Variants in VWA5B1 observed in about 807,000 individuals in gnomAD.
VWA5B1 encodes the protein von Willebrand factor A domain containing 5B1.
Under a neutral mutation model 118.2 loss-of-function variants are expected in VWA5B1, and 115 were observed. The observed-to-expected ratio is 0.97, with a 90% CI of 0.84 to 1.14. The LOEUF is 1.14. Ranked by LOEUF, VWA5B1 falls within the 50% of genes most tolerant of loss-of-function variation. The pLI, the probability that VWA5B1 is intolerant of heterozygous loss-of-function variation, is 0.00. For missense variants in VWA5B1, 1,596 were observed against 1,603.8 expected (o/e 1.00, Z 0.08); for synonymous variants, 682 against 658.4 (o/e 1.04, Z -0.55).
chr1:20,337,682 C>A lies in VWA5B1; in HGVS notation c.1979C>A (p.Thr660Asn). 6.4e-7 allele frequency: 1 copy of A among 1,551,698 alleles called. No individual in the cohort carries two copies. Among genetic ancestry groups the A allele is most frequent in the Non-Finnish European group, 8.7e-7 (1 of 1,146,994 alleles). Residue 660 changes from threonine to asparagine, a missense_variant, in exon 14 of 22, where the codon ACC becomes AAC. By Grantham distance (65) the Thr-to-Asn change is moderately conservative. Coordinates refer to ENST00000289815, the MANE Select transcript of VWA5B1 (RefSeq NM_001039500.3). Reference sequence around the variant, plus strand: ...TCTCAGCGACGGAGGGCATACAGCACCAACCAGATCACCAATCACAAGCCC... The same window carrying A: ...TCTCAGCGACGGAGGGCATACAGCAACAACCAGATCACCAATCACAAGCCC... ...NLSQRRRAYS[T>N]NQITNHKPLP...
intron 4 of VWA5B1, among the ~76,000 whole-genome samples, chr1:20,315,535 A>G (rs2088979842): frequency 6.6e-6 from 1 of 152,214 alleles, no homozygotes; most frequent in South Asian, 2.1e-4. Flanking sequence ...AAGGGGACAG[A>G]GTGGGACAAG....
At position 20,330,165 on chromosome 1, in the gene VWA5B1, T is replaced by C. The variant is rs2089503799; in HGVS notation, c.1255-15T>C. Reference sequence around the variant, plus strand: ...TACCATACGGTGACACTGGGGACTGTCTGCTTCTCTGCAGGACAGCTTGGC... The same window carrying C: ...TACCATACGGTGACACTGGGGACTGCCTGCTTCTCTGCAGGACAGCTTGGC... On this transcript the variant is annotated splice_polypyrimidine_tract_variant and intron_variant, in intron 9 of 21. Transcript: ENST00000289815. 3 of 1,551,626 alleles carry C rather than the reference T, an allele frequency of 1.9e-6. No individual in the cohort carries two copies. The highest frequency in any genetic ancestry group is 8.7e-7 in the Non-Finnish European group (1 of 1,147,002).
chr1:20,348,175 G>C, intron 17 of VWA5B1, 70 bp from the exon 18 acceptor site: 5 of 1,369,770 alleles, frequency 3.7e-6, no homozygotes, highest in Non-Finnish European at 5.1e-6. Flanking sequence ...ATTCCTGTCA[G>C]CTCTGGGGGA....
At position 20,317,564 on chromosome 1, in the gene VWA5B1, G is replaced by A. The variant is rs375756856; in HGVS notation, c.598G>A (p.Gly200Ser). Residue 200 changes from glycine (G) to serine (S), a missense_variant, in exon 5 of 22, where the codon GGC becomes AGC. By Grantham distance (56) the Gly-to-Ser change is moderately conservative (BLOSUM62 0). Coordinates refer to ENST00000289815, the MANE Select transcript of VWA5B1 (RefSeq NM_001039500.3). ...GCACTGCTTCGGTGCCTGGGCCCCG[G>A]GCTCCTGGAATAAGTTGTGCCTGGC... is the stretch of plus-strand genomic sequence containing the variant. The part of the protein sequence containing the change: ...DRHCFGAWAP[G>S]SWNKLCLATL... 119 of 1,551,676 alleles carry A rather than the reference G, an allele frequency of 7.7e-5. No individual in the cohort carries two copies. In the African/African-American group the frequency reaches 1.4e-3, roughly 19 times the overall value.
intron 1 of VWA5B1, 65 bp from the exon 2 acceptor site, chr1:20,310,511 G>A (rs2088814556): frequency 2.1e-6 from 3 of 1,405,976 alleles, no homozygotes; most frequent in South Asian, 3.2e-5. Flanking sequence ...TCTGAAACGG[G>A]AAAACTAGGT....
intron 1 of VWA5B1, among the ~76,000 whole-genome samples, chr1:20,304,917 C>T (rs955140852): frequency 6.6e-6 from 1 of 151,984 alleles, no homozygotes; most frequent in African/African-American, 2.4e-5. Flanking sequence ...TACTCACCTC[C>T]GAGAGATGCT....
chr1:20,342,709 C>G (rs2089908701), intron 15 of VWA5B1, 100 bp downstream of exon 15: 1 of 1,375,512 alleles, frequency 7.3e-7, no homozygotes, highest in South Asian at 1.5e-5. Context: ...ATGCCTGGGT[C>G]TGTCCCCTTG....
At chr1:20,304,873 G>C (rs2088602453) in intron 1 of VWA5B1, among the ~76,000 whole-genome samples, 1 of 152,008 alleles carries the variant, frequency 6.6e-6, no homozygotes, top group Non-Finnish European at 1.5e-5. Flanking sequence ...TTCGAGCCTT[G>C]GTATTTTCAT....
chr1:20,336,383 C>G lies in VWA5B1; in HGVS notation c.1839C>G (p.Pro613=). The part of the protein sequence containing the change: ...SVFYHSQDDG[P]GLEGGDCAKN... ...TCTACCACTCTCAGGATGACGGACC[C>G]GGGCTGGAAGGTGGAGACTGTGCCA... Residue 613 remains proline (P), a synonymous_variant, in exon 13 of 22, where the codon CCC becomes CCG. Coordinates refer to ENST00000289815, the MANE Select transcript of VWA5B1 (RefSeq NM_001039500.3). 1 of 1,526,786 alleles carries G rather than the reference C, an allele frequency of 6.5e-7. No homozygotes were observed. Among genetic ancestry groups the G allele is most frequent in the Non-Finnish European group, 8.8e-7 (1 of 1,134,340 alleles). The allele number at this position is 1,526,786 out of a possible 1,614,324, so 94.6% of individuals were successfully genotyped here.
chr1:20,336,513 G>T (rs2100960091), intron 13 of VWA5B1, 27 bp downstream of exon 13: 1 of 1,327,828 alleles, frequency 7.5e-7, no homozygotes, highest in African/African-American at 1.5e-5. Flanking sequence ...GATGATTGCT[G>T]CCTTACATTG....
At position 20,348,438 on chromosome 1, in the gene VWA5B1, C is replaced by A. The variant is rs558909293; in HGVS notation, c.2878+80C>A. ...CCCTGAGGTTACCGCGTCCTCCTGT[C>A]CGAGGCCCTAGGACCACTCTCTGAG... On this transcript the variant is annotated intron_variant, in intron 18 of 21. Coordinates refer to ENST00000289815, the MANE Select transcript of VWA5B1 (RefSeq NM_001039500.3). The A allele has an allele frequency of 4.9e-6, 7 of 1,427,254 alleles. No individual in the cohort carries two copies. The South Asian group carries it at 7.4e-5, about 15-fold the overall frequency. 88.4% of individuals were successfully genotyped at this position (1,427,254 alleles called of 1,614,324 possible). A position where few individuals can be genotyped will look rare whatever the true frequency, so the allele number is the denominator to read the frequency against.
At chr1:20,307,760 C>T (rs1398256498) in intron 1 of VWA5B1, among the ~76,000 whole-genome samples, 1 of 151,686 alleles carries the variant, frequency 6.6e-6, no homozygotes, top group Admixed American at 6.6e-5. Context: ...ATGCATTAAC[C>T]AGGCCTCCAC....
Position 20,350,742 on chromosome 1 carries a change from T to C in VWA5B1, c.2954-115T>C, listed in dbSNP as rs543153889. On this transcript the variant is annotated intron_variant, in intron 19 of 21. Coordinates refer to ENST00000289815, the MANE Select transcript of VWA5B1 (RefSeq NM_001039500.3). ...CAGCCTAATGGTTAGCTCGAGTCCC[T>C]AGGAACTTAGCTAAGCACCTGCCCC... 7.9e-5 allele frequency: 77 copies of C among 972,930 alleles called. No homozygotes were observed. The African/African-American group carries it at 1.1e-3, about 14-fold the overall frequency. 60.3% of individuals were successfully genotyped at this position (972,930 alleles called of 1,614,324 possible). A position where few individuals can be genotyped will look rare whatever the true frequency, so the allele number is the denominator to read the frequency against.
chr1:20,331,093 C>T, intron 11 of VWA5B1, 110 bp downstream of exon 11: 1 of 871,812 alleles, frequency 1.1e-6, no homozygotes, highest in Non-Finnish European at 1.8e-6. Context: ...AATCTGAGCT[C>T]TTCACTAGGC....
At chr1:20,334,468 A>G (rs2089658642) in intron 12 of VWA5B1, among the ~76,000 whole-genome samples, 1 of 152,198 alleles carries the variant, frequency 6.6e-6, no homozygotes, top group Non-Finnish European at 1.5e-5. Flanking sequence ...GTTGGTGTAA[A>G]TATAACTTGC....
chr1:20,306,234 G>A (rs552993114), intron 1 of VWA5B1, among the ~76,000 whole-genome samples: 5 of 152,246 alleles, frequency 3.3e-5, no homozygotes, highest in South Asian at 2.1e-4. Flanking sequence ...CTGAGCAGAC[G>A]TGAAGGGGTG....
rs764020772 is a variant in VWA5B1, at chr1:20,330,978, C to T, written c.1567C>T (p.Pro523Ser). Residue 523 changes from proline (P) to serine (S), a missense_variant, in exon 11 of 22, where the codon CCC becomes TCC. Transcript: ENST00000289815. The part of the protein sequence containing the change: ...ELLMEGERLQ[P>S]KMVKSLKKAM... ...CCTGATGGAGGGGGAGCGGCTGCAA[C>T]CCAAGGTAGGCAGCAGAACCCACGC... The T allele has an allele frequency of 1.4e-4, 222 of 1,546,538 alleles. No individual in the cohort carries two copies. The highest frequency in any genetic ancestry group is 1.8e-4 in the Non-Finnish European group (204 of 1,144,586).
At position 20,342,618 on chromosome 1, in the gene VWA5B1, C is replaced by T; in HGVS notation, c.2311+9C>T. Reference sequence around the variant, plus strand: ...AAGCCCTGGAGATCTGGGTAAGTGACCACAGGGTCCAGGACCCAACTGGGG... The same window carrying T: ...AAGCCCTGGAGATCTGGGTAAGTGATCACAGGGTCCAGGACCCAACTGGGG... On this transcript the variant is annotated intron_variant, in intron 15 of 21. Transcript: ENST00000289815. 6.8e-7 allele frequency: 1 copy of T among 1,472,026 alleles called. No homozygotes were observed. The allele number at this position is 1,472,026 out of a possible 1,614,324, so 91.2% of individuals were successfully genotyped here. A position where few individuals can be genotyped will look rare whatever the true frequency, so the allele number is the denominator to read the frequency against.
chr1:20,298,384 CT>C (rs1355186079), intron 1 of VWA5B1, among the ~76,000 whole-genome samples: 2 of 152,012 alleles, frequency 1.3e-5, no homozygotes, highest in Non-Finnish European at 2.9e-5. Context: ...ATTTTTAATC[CT>C]TTCCTTTGAA....
Sources: gnomAD v4.1 joint callset for allele counts (sites outside exome capture counted in the v4.1 genomes callset) on GRCh38, gnomAD v4.1.1 for gene constraint, MANE v1.5 for transcripts, NCBI Gene and HGNC (gene_info 2026-07-23, HGNC 2026-07-21) for gene names.